The following ARHGAP35 variants were observed in gnomAD, a reference collection of about 807,000 sequenced individuals.
ARHGAP35 encodes the protein rho GTPase-activating protein 35.
ARHGAP35 carries 15 observed loss-of-function variants against 111.1 expected under a neutral mutation model. The ratio of observed to expected loss-of-function variants is 0.13; its 90% CI spans 0.09 to 0.21. The LOEUF is 0.21. Among genes scored for constraint, ARHGAP35 ranks in the 10% least tolerant of loss-of-function variants. ARHGAP35 has a pLI of 1.00. For synonymous variants in ARHGAP35, 643 were observed against 710.3 expected (o/e 0.91, Z 1.51); for missense variants, 1,262 against 1,873.0 (o/e 0.67, Z 6.02).
At position 46,993,542 on chromosome 19, in the gene ARHGAP35, G is replaced by A. The variant is rs1266036328; in HGVS notation, c.4036+3867G>A. Among the ~76,000 whole-genome samples the A allele has an allele frequency of 6.6e-6, 1 of 152,206 alleles. No homozygotes were observed. Among genetic ancestry groups the A allele is most frequent in the African/African-American group, 2.4e-5 (1 of 41,430 alleles). ...GGCCTGGTGTGTCTGTTTTGTAAGA[G>A]GTATGGGAAGCTAATCGGTAAGGTC... On this transcript the variant is annotated intron_variant, in intron 5 of 6. Transcript: ENST00000672722. This position sits in a 1 kb window ranked among gnomAD's most constrained non-coding sequence, Gnocchi z 4.6.
At chr19:46,936,719 C>T (rs1469642661) in intron 2 of ARHGAP35, among the ~76,000 whole-genome samples, 2 of 151,948 alleles carry the variant, frequency 1.3e-5, no homozygotes, top group African/African-American at 4.8e-5. Context: ...CATCTTTGTT[C>T]TAATAATGTG....
At chr19:46,936,949 C>T (rs1190965542) in intron 2 of ARHGAP35, among the ~76,000 whole-genome samples, 1 of 151,376 alleles carries the variant, frequency 6.6e-6, no homozygotes, top group Non-Finnish European at 1.5e-5. Context: ...AAGCAATTCT[C>T]CTGCCTCAGC....
intron 1 of ARHGAP35, among the ~76,000 whole-genome samples, chr19:46,885,236 G>A (rs2055987882): frequency 6.6e-6 from 1 of 152,152 alleles, no homozygotes; most frequent in Non-Finnish European, 1.5e-5. Flanking sequence ...GGACAAGTGA[G>A]ACCAGATCCT....
In ARHGAP35 at chr19:46,988,027, A is replaced by G; in HGVS notation, c.3865A>G (p.Lys1289Glu). ...AGGCATCTACCGGGTCAGCGGGAAC[A>G]AGTCTGAGATGGAGAGTCTGCAGAG... ...TEGIYRVSGN[K>E]SEMESLQRQF... The change falls in exon 4 of 7, where the codon AAG (lysine) becomes GAG (glutamate). Residue 1289 changes from lysine to glutamate, a missense_variant. Coordinates refer to ENST00000672722, the MANE Select transcript of ARHGAP35 (RefSeq NM_004491.5). This position sits in a 1 kb window ranked among gnomAD's most constrained non-coding sequence, Gnocchi z 5.4. 1 of 1,613,952 alleles carries G rather than the reference A, an allele frequency of 6.2e-7. No homozygotes were observed. Among genetic ancestry groups the G allele is most frequent in the Non-Finnish European group, 8.5e-7 (1 of 1,179,866 alleles).
chr19:46,958,409 G>T (rs1447952160), intron 3 of ARHGAP35, among the ~76,000 whole-genome samples: 1 of 151,838 alleles, frequency 6.6e-6, no homozygotes, highest in African/African-American at 2.4e-5. Context: ...AAAGTGTATG[G>T]TTTAGTGTGT....
At chr19:46,882,138 CT>C (rs111690310) in intron 1 of ARHGAP35, among the ~76,000 whole-genome samples, 2,432 of 143,700 alleles carry the variant, frequency 0.017, 19 homozygotes, top group Middle Eastern at 0.051. Flanking sequence ...CTTTCTTTCC[CT>C]TTTTTTTTTT....
intron 1 of ARHGAP35, among the ~76,000 whole-genome samples, chr19:46,867,758 T>TTTGTTG (rs574337716): frequency 2.6e-5 from 4 of 152,006 alleles, no homozygotes; most frequent in Admixed American, 2.6e-4. Flanking sequence ...GCTAAAGTTT[T>TTTGTTG]TTGTTGTTGT....
chr19:46,868,657 G>A (rs1465854317), intron 1 of ARHGAP35, among the ~76,000 whole-genome samples: 1 of 152,142 alleles, frequency 6.6e-6, no homozygotes, highest in East Asian at 1.9e-4. Flanking sequence ...CTAACAGGAA[G>A]AAGGTAGAGA....
intron 1 of ARHGAP35, among the ~76,000 whole-genome samples, chr19:46,876,166 A>G (rs887758249): frequency 6.6e-6 from 1 of 151,476 alleles, no homozygotes; most frequent in Non-Finnish European, 1.5e-5. Flanking sequence ...TGTCATTATT[A>G]GTGCTGCACT....
At chr19:46,939,472 C>T (rs1304183859) in intron 3 of ARHGAP35, among the ~76,000 whole-genome samples, 3 of 151,704 alleles carry the variant, frequency 2.0e-5, no homozygotes, top group Non-Finnish European at 2.9e-5. Flanking sequence ...TGCAGTGGCA[C>T]GATCTAGACT....
In ARHGAP35 at chr19:46,918,821, A is replaced by G; in HGVS notation, c.146A>G (p.Glu49Gly). The G allele has an allele frequency of 6.2e-7, 1 of 1,613,948 alleles. No homozygotes were observed. The highest frequency in any genetic ancestry group is 8.5e-7 in the Non-Finnish European group (1 of 1,179,884). Residue 49 changes from glutamate (E) to glycine (G), a missense_variant, in exon 2 of 7, where the codon GAG (glutamate) becomes GGG (glycine). Physicochemically the swap from Glu to Gly is moderately conservative, Grantham distance 98. Coordinates refer to ENST00000672722, the MANE Select transcript of ARHGAP35 (RefSeq NM_004491.5). The surrounding 1 kb of genome is among the most constrained non-coding windows in gnomAD (Gnocchi z 5.4). ...CGCTTCGTGCGCCCGAGTGCTGACGAGTTTCACTTGGACCATACCTCCGTC... is the reference window on the plus strand; with the variant it reads ...CGCTTCGTGCGCCCGAGTGCTGACGGGTTTCACTTGGACCATACCTCCGTC... The part of the protein sequence containing the change: ...CNRFVRPSAD[E>G]FHLDHTSVLS...
rs923364123 is a variant in ARHGAP35 at position 46,999,615 on chromosome 19, C to T, written c.4142+206C>T. ...CCCATCCTCAGGCCTCCCTCCTGCT[C>T]CTGTCTGAGGGCAGCCCACGTGGCC... On this transcript the variant is annotated intron_variant, in intron 6 of 6. Coordinates refer to ENST00000672722, the MANE Select transcript of ARHGAP35 (RefSeq NM_004491.5). This position sits in a 1 kb window ranked among gnomAD's most constrained non-coding sequence, Gnocchi z 5.4. 3.5e-6 allele frequency: 2 copies of T among 575,920 alleles called. No homozygotes were observed. Among genetic ancestry groups the T allele is most frequent in the Non-Finnish European group, 6.2e-6 (2 of 323,674 alleles). The allele number at this position is 575,920 out of a possible 1,614,324, so 35.7% of individuals were successfully genotyped here. A position where few individuals can be genotyped will look rare whatever the true frequency, so the allele number is the denominator to read the frequency against.
In ARHGAP35 at chr19:46,993,393, T is replaced by A. The variant is rs2056689788; in HGVS notation, c.4036+3718T>A. ...CAGCAGCAGACCCAGGCCTAGAGCT[T>A]GGTTGGCAGCCTGGCTGCCAGTGAT... On this transcript the variant is annotated intron_variant, in intron 5 of 6. Coordinates refer to ENST00000672722, the MANE Select transcript of ARHGAP35 (RefSeq NM_004491.5). This position sits in a 1 kb window ranked among gnomAD's most constrained non-coding sequence, Gnocchi z 4.6. Among the ~76,000 whole-genome samples the A allele has an allele frequency of 6.6e-6, 1 of 152,150 alleles. No homozygotes were observed.
chr19:46,989,280 A>G lies in ARHGAP35; in HGVS notation c.3905-264A>G, dbSNP rs897009218. The stretch of plus-strand genomic sequence containing the variant: ...TGAAGGCAAGCTCCTGGCACCAAAA[A>G]CCAGCATGTGGGGGTAGCACCCCTG... On this transcript the variant is annotated intron_variant, in intron 4 of 6. Coordinates refer to ENST00000672722, the MANE Select transcript of ARHGAP35 (RefSeq NM_004491.5). This position sits in a 1 kb window ranked among gnomAD's most constrained non-coding sequence, Gnocchi z 5.3. The G allele has an allele frequency of 3.1e-5, 11 of 349,740 alleles. No individual in the cohort carries two copies. The highest frequency in any genetic ancestry group is 2.2e-4 in the African/African-American group (11 of 48,932). 21.7% of individuals were successfully genotyped at this position (349,740 alleles called of 1,614,324 possible).
intron 1 of ARHGAP35, among the ~76,000 whole-genome samples, chr19:46,894,172 A>G (rs1457808547): frequency 6.6e-6 from 1 of 152,130 alleles, no homozygotes; most frequent in Non-Finnish European, 1.5e-5. Flanking sequence ...TTGCCTGTGG[A>G]TTTCAAGGAA....
chr19:46,944,186 G>A (rs551245922), intron 3 of ARHGAP35, among the ~76,000 whole-genome samples: 4 of 151,676 alleles, frequency 2.6e-5, no homozygotes, highest in Non-Finnish European at 5.9e-5. Context: ...TGTAGTCCCA[G>A]CTACTCAGAG....
chr19:46,958,986 A>C (rs1455155840), intron 3 of ARHGAP35, among the ~76,000 whole-genome samples: 2 of 152,194 alleles, frequency 1.3e-5, no homozygotes, highest in African/African-American at 4.8e-5. Context: ...TCTCCAGAGG[A>C]AAAAGGGTAA....
chr19:46,969,798 G>T (rs2056534642), intron 3 of ARHGAP35, among the ~76,000 whole-genome samples: 1 of 152,102 alleles, frequency 6.6e-6, no homozygotes, highest in Non-Finnish European at 1.5e-5. Flanking sequence ...AGTGTTACTG[G>T]GCTGGATTCG....
At chr19:46,882,251 A>G (rs2055966338) in intron 1 of ARHGAP35, among the ~76,000 whole-genome samples, 1 of 146,512 alleles carries the variant, frequency 6.8e-6, no homozygotes, top group Non-Finnish European at 1.5e-5. Context: ...CCCCCACCTC[A>G]ACCCCCCCAG....
Sources: gnomAD v4.1 joint callset for allele counts (sites outside exome capture counted in the v4.1 genomes callset) on GRCh38, gnomAD v4.1.1 for gene constraint, Gnocchi (gnomAD v3.1) non-coding constraint, MANE v1.5 for transcripts, NCBI Gene and HGNC (gene_info 2026-07-23, HGNC 2026-07-21) for gene names.